Variants in ZNF724 observed in about 807,000 individuals in gnomAD.
ZNF724 encodes zinc finger protein 724.
Under a neutral mutation model 29.3 loss-of-function variants are expected in ZNF724, and 14 were observed. The ratio of observed to expected loss-of-function variants is 0.48; its 90% CI spans 0.32 to 0.75. The LOEUF (loss-of-function observed/expected upper bound fraction) is 0.75. Among genes scored for constraint, ZNF724 ranks in the 30% least tolerant of loss-of-function variants. The pLI is 0.04. For synonymous variants in ZNF724, 180 were observed against 193.6 expected (o/e 0.93, Z 0.58); for missense variants, 557 against 571.2 (o/e 0.98, Z 0.25).
intron 3 of ZNF724, among the ~76,000 whole-genome samples, chr19:23,225,971 T>C (rs948519465): frequency 6.6e-6 from 1 of 151,766 alleles, no homozygotes; most frequent in Non-Finnish European, 1.5e-5. Context: ...ACCCCTTCAA[T>C]TCCCCAAGCT....
intron 1 of ZNF724, among the ~76,000 whole-genome samples, chr19:23,238,081 C>T (rs764842946): frequency 6.7e-6 from 1 of 150,158 alleles, no homozygotes; most frequent in Non-Finnish European, 1.5e-5. Flanking sequence ...AGACTGAAAA[C>T]AACAACAACA....
intron 1 of ZNF724, among the ~76,000 whole-genome samples, chr19:23,249,784 T>TCG (rs1972314932): frequency 6.6e-6 from 1 of 152,192 alleles, no homozygotes; most frequent in Non-Finnish European, 1.5e-5. Context: ...TCCGCCCGCC[T>TCG]CGGCCTCTCG....
At chr19:23,242,756 C>A (rs1477844282) in intron 1 of ZNF724, 3 of 132,002 alleles carry the variant, frequency 2.3e-5, no homozygotes, top group Non-Finnish European at 4.8e-5. Context: ...AATAATAATA[C>A]AGGCCGGGCG....
Position 23,222,082 on chromosome 19 carries a change from A to G in ZNF724, c.*303T>C. On this transcript the variant is annotated 3_prime_UTR_variant, in exon 4 of 4. Transcript: ENST00000418100. Reference sequence around the variant, plus strand: ...TTTGCATAATTTTTCTCAAGTATACATCATTTCCTGTCCAATAAAGTGTCA... The same window carrying G: ...TTTGCATAATTTTTCTCAAGTATACGTCATTTCCTGTCCAATAAAGTGTCA... The G allele has an allele frequency of 3.3e-6, 1 of 305,956 alleles. No individual in the cohort carries two copies. Among genetic ancestry groups the G allele is most frequent in the Non-Finnish European group, 6.0e-6 (1 of 167,476 alleles). 19.0% of individuals were successfully genotyped at this position (305,956 alleles called of 1,614,324 possible).
rs188752820 is a variant in ZNF724 at position 23,246,457 on chromosome 19, A to G, written c.3+3783T>C. 1.4e-3 allele frequency among the ~76,000 whole-genome samples: 207 copies of G among 151,762 alleles called. 1 individual carries two copies. Among genetic ancestry groups the G allele is most frequent in the African/African-American group, 4.9e-3 (202 of 41,372 alleles). ...AGATCACGAGGTCAGGAGTTCAAGA[A>G]CAGCCTGGCCAACCTGGTGAAACAC... On this transcript the variant is annotated intron_variant, in intron 1 of 3. Coordinates refer to ENST00000418100, the MANE Select transcript of ZNF724 (RefSeq NM_001355404.2).
intron 1 of ZNF724, among the ~76,000 whole-genome samples, chr19:23,241,273 A>T (rs924564690): frequency 3.3e-5 from 5 of 152,288 alleles, no homozygotes; most frequent in Non-Finnish European, 4.4e-5. Flanking sequence ...GCTACCAACT[A>T]AAAAAACCCA....
chr19:23,243,062 A>G (rs1972162392), intron 1 of ZNF724, among the ~76,000 whole-genome samples: 1 of 147,654 alleles, frequency 6.8e-6, no homozygotes. Context: ...AAAAAAAGAA[A>G]GAAAGAAAGA....
chr19:23,243,055 A>AAG (rs1555725626), intron 1 of ZNF724, among the ~76,000 whole-genome samples: 7 of 37,066 alleles, frequency 1.9e-4, no homozygotes, highest in African/African-American at 3.0e-4. Context: ...AAAAAAAAAA[A>AAG]AAAGAAAGAA....
At chr19:23,231,539 G>T (rs1054703942) in intron 2 of ZNF724, among the ~76,000 whole-genome samples, 178 bp from the exon 3 acceptor site, 2 of 151,948 alleles carry the variant, frequency 1.3e-5, no homozygotes, top group African/African-American at 4.8e-5. Flanking sequence ...CTACTTAGTA[G>T]TACTGAATCA....
intron 1 of ZNF724, among the ~76,000 whole-genome samples, chr19:23,235,022 C>A (rs1337241974): frequency 1.3e-5 from 2 of 152,104 alleles, no homozygotes; most frequent in Non-Finnish European, 2.9e-5. Context: ...GTATCATATT[C>A]TTTGCTGGTT....
intron 3 of ZNF724, 173 bp downstream of exon 3, chr19:23,231,093 G>A: frequency 4.6e-6 from 2 of 431,692 alleles, no homozygotes; most frequent in South Asian, 8.4e-5. Flanking sequence ...ATGTTGGTCA[G>A]GCTGGTCTCG....
chr19:23,249,908 G>A (rs1319292570), intron 1 of ZNF724, among the ~76,000 whole-genome samples: 1 of 152,110 alleles, frequency 6.6e-6, no homozygotes, highest in East Asian at 1.9e-4. Context: ...TCATGAACCC[G>A]CTCCCCGAGT....
At position 23,222,753 on chromosome 19, in the gene ZNF724, T is replaced by G; in HGVS notation, c.1492A>C (p.Lys498Gln). ...TAGGGTTTCTCTCCAGTATGAATTT[T>G]CTTATGTGTTGTAAGGTGTGAGGAT... ...NLSSHLTTHK[K>Q]IHTGEKPYKC... is the part of the protein sequence containing the mutation. Residue 498 changes from lysine to glutamine, a missense_variant, in exon 4 of 4, where the codon AAA (lysine) becomes CAA (glutamine). Coordinates refer to ENST00000418100, the MANE Select transcript of ZNF724 (RefSeq NM_001355404.2). 1 of 1,406,112 alleles carries G rather than the reference T, an allele frequency of 7.1e-7. No homozygotes were observed. The highest frequency in any genetic ancestry group is 1.0e-6 in the Non-Finnish European group (1 of 999,416). The allele number at this position is 1,406,112 out of a possible 1,614,324, so 87.1% of individuals were successfully genotyped here. A position where few individuals can be genotyped will look rare whatever the true frequency, so the allele number is the denominator to read the frequency against.
Position 23,239,913 on chromosome 19 carries a change from A to G in ZNF724, c.4-7620T>C, listed in dbSNP as rs532737470. Among the ~76,000 whole-genome samples, 14 of 147,858 alleles carry G rather than the reference A, an allele frequency of 9.5e-5. No homozygotes were observed. The South Asian group carries it at 2.9e-3, about 31-fold the overall frequency. On this transcript the variant is annotated intron_variant, in intron 1 of 3. Transcript: ENST00000418100. Reference sequence around the variant, plus strand: ...AGGAGATTTAGAAATGAAAAGTCATAGAAAATATCAAGTAATCCAGGAGTT... The same window carrying G: ...AGGAGATTTAGAAATGAAAAGTCATGGAAAATATCAAGTAATCCAGGAGTT...
chr19:23,246,018 G>T (rs111720909), intron 1 of ZNF724, among the ~76,000 whole-genome samples: 2,440 of 152,110 alleles, frequency 0.016, 58 homozygotes, highest in African/African-American at 0.055. Flanking sequence ...TGCAGGGGAG[G>T]CTCCCCAGGA....
chr19:23,245,575 T>C (rs555384350), intron 1 of ZNF724, among the ~76,000 whole-genome samples: 1 of 151,532 alleles, frequency 6.6e-6, no homozygotes, highest in Non-Finnish European at 1.5e-5. Context: ...ATCGCGCCAC[T>C]GCACTCCAGA....
chr19:23,250,056 G>A (rs1972323351), intron 1 of ZNF724, among the ~76,000 whole-genome samples, 184 bp downstream of exon 1: 1 of 152,188 alleles, frequency 6.6e-6, no homozygotes, highest in South Asian at 2.1e-4. Flanking sequence ...GACGCCCGGG[G>A]GCCGGCTGTC....
intron 3 of ZNF724, among the ~76,000 whole-genome samples, chr19:23,228,016 TGA>T (rs1429473053): frequency 6.6e-6 from 1 of 152,306 alleles, no homozygotes; most frequent in East Asian, 1.9e-4. Flanking sequence ...AATGCCTTTA[TGA>T]GAGAGCCAAG....
At chr19:23,238,370 A>AACAAAAG (rs1166399495) in intron 1 of ZNF724, among the ~76,000 whole-genome samples, 1 of 151,948 alleles carries the variant, frequency 6.6e-6, no homozygotes, top group Non-Finnish European at 1.5e-5. Flanking sequence ...AAAAACAAAA[A>AACAAAAG]ACAAAAAAAC....
Sources: allele counts gnomAD v4.1 joint callset (sites outside exome capture counted in the v4.1 genomes callset), GRCh38; gene constraint gnomAD v4.1.1; transcripts MANE v1.5; gene names NCBI Gene and HGNC (gene_info 2026-07-23, HGNC 2026-07-21).